GALNTL6: variants seen among roughly 807,000 people sequenced by gnomAD.
GALNTL6 encodes polypeptide N-acetylgalactosaminyltransferase like 6, also known as polypeptide N-acetylgalactosaminyltransferase-like 6.
GALNTL6 carries 46 observed loss-of-function variants against 73.7 expected under a neutral mutation model. The observed-to-expected ratio is 0.62, with a 90% confidence interval of 0.49 to 0.80. The LOEUF (loss-of-function observed/expected upper bound fraction) is 0.80. Ranked by LOEUF, GALNTL6 falls within the 30% of genes least tolerant of loss-of-function variation. The pLI is 0.00. For synonymous variants in GALNTL6, 259 were observed against 263.7 expected (o/e 0.98, Z 0.17); for missense variants, 604 against 755.0 (o/e 0.80, Z 2.34).
chr4:172,150,956 A>G (rs1302957034), intron 2 of GALNTL6, among the ~76,000 whole-genome samples: 1 of 152,208 alleles, frequency 6.6e-6, no homozygotes, highest in Non-Finnish European at 1.5e-5. Flanking sequence ...CCATAAATGC[A>G]TTAGGTCCTT....
At chr4:172,392,579 C>T (rs1184309074) in intron 5 of GALNTL6, among the ~76,000 whole-genome samples, 1 of 151,772 alleles carries the variant, frequency 6.6e-6, no homozygotes, top group Non-Finnish European at 1.5e-5. Context: ...GGGCAATTTA[C>T]AGTATTTAAA....
intron 10 of GALNTL6, among the ~76,000 whole-genome samples, chr4:172,974,557 A>G (rs1469722161): frequency 6.6e-6 from 1 of 152,252 alleles, no homozygotes; most frequent in African/African-American, 2.4e-5. Context: ...AGTAGAGGCC[A>G]CACTGGTGTC....
At chr4:172,233,659 C>T (rs1737146849) in intron 3 of GALNTL6, among the ~76,000 whole-genome samples, 1 of 152,020 alleles carries the variant, frequency 6.6e-6, no homozygotes, top group African/African-American at 2.4e-5. Flanking sequence ...AGCTAATGTA[C>T]TATATCTTTA....
intron 5 of GALNTL6, among the ~76,000 whole-genome samples, chr4:172,732,026 A>G (rs1736178523): frequency 6.6e-6 from 1 of 151,940 alleles, no homozygotes; most frequent in Non-Finnish European, 1.5e-5. Flanking sequence ...AACCTAGTGA[A>G]ATGTTCTGTA....
intron 2 of GALNTL6, among the ~76,000 whole-genome samples, chr4:171,935,852 T>C (rs1738326441): frequency 6.6e-6 from 1 of 152,250 alleles, no homozygotes; most frequent in Non-Finnish European, 1.5e-5. Context: ...GTTGCTTTCT[T>C]GCTTGGGTAG....
At position 172,119,116 on chromosome 4, in the gene GALNTL6, CTA is replaced by C. The variant is rs370287298; in HGVS notation, c.139-110538_139-110537del. Reference sequence around the variant, plus strand: ...TGTGAATATTGGTTTCAATATTACACTATTGTATTTCTTGATAATGCTAGAGA... The same window carrying C: ...TGTGAATATTGGTTTCAATATTACACTTGTATTTCTTGATAATGCTAGAGA... On this transcript the variant is annotated intron_variant, in intron 2 of 12. Coordinates refer to ENST00000506823, the MANE Select transcript of GALNTL6 (RefSeq NM_001034845.3). 3.1e-3 allele frequency among the ~76,000 whole-genome samples: 466 copies of C among 152,056 alleles called. 4 individuals are homozygous for C. Among genetic ancestry groups the C allele is most frequent in the African/African-American group, 0.011 (451 of 41,484 alleles).
intron 5 of GALNTL6, among the ~76,000 whole-genome samples, chr4:172,546,275 T>C (rs1735746321): frequency 6.6e-6 from 1 of 152,156 alleles, no homozygotes; most frequent in African/African-American, 2.4e-5. Flanking sequence ...TACTTATCTA[T>C]TTAACAACTT....
At chr4:172,482,596 C>CT (rs780268223) in intron 5 of GALNTL6, among the ~76,000 whole-genome samples, 94 of 152,384 alleles carry the variant, frequency 6.2e-4, no homozygotes, top group Middle Eastern at 6.8e-3. Context: ...ATTATATACT[C>CT]TAAGATATTC....
intron 4 of GALNTL6, among the ~76,000 whole-genome samples, chr4:172,346,499 C>T (rs1741743959): frequency 6.6e-6 from 1 of 152,224 alleles, no homozygotes; most frequent in South Asian, 2.1e-4. Flanking sequence ...CTGTCCTCTG[C>T]AGGCCACCTT....
At chr4:172,020,589 C>T (rs942588263) in intron 2 of GALNTL6, among the ~76,000 whole-genome samples, 20 of 151,686 alleles carry the variant, frequency 1.3e-4, no homozygotes, top group African/African-American at 4.6e-4. Context: ...CAAATACATA[C>T]ACCTACCGAG....
intron 5 of GALNTL6, among the ~76,000 whole-genome samples, chr4:172,761,685 C>CTCTCTCTCTCTCTT (rs1738112485): frequency 6.6e-6 from 1 of 151,662 alleles, no homozygotes; most frequent in Non-Finnish European, 1.5e-5. Flanking sequence ...CTCTCTCTCT[C>CTCTCTCTCTCTCTT]TCTCTCTCTC....
intron 5 of GALNTL6, among the ~76,000 whole-genome samples, chr4:172,578,882 C>T (rs975887213): frequency 3.9e-5 from 6 of 152,142 alleles, no homozygotes; most frequent in East Asian, 1.9e-4. Flanking sequence ...AAGCAAATGA[C>T]GTGAGTGAGG....
intron 2 of GALNTL6, among the ~76,000 whole-genome samples, chr4:172,087,318 G>C (rs949575532): frequency 9.9e-5 from 15 of 151,758 alleles, no homozygotes; most frequent in African/African-American, 2.9e-4. Flanking sequence ...GGGGGTGGGC[G>C]CCTGTAGTCC....
In GALNTL6 at chr4:172,231,000, G is replaced by T. The variant is rs557847533; in HGVS notation, c.247+1236G>T. On this transcript the variant is annotated intron_variant, in intron 3 of 12. Transcript: ENST00000506823. The stretch of plus-strand genomic sequence containing the variant: ...TTGCATTCCTTTTCTTCCAAAAAAG[G>T]CCTGCCCCACGCCCCACCCCCAGCT... Among the ~76,000 whole-genome samples, 5 of 151,930 alleles carry T rather than the reference G, an allele frequency of 3.3e-5. No homozygotes were observed. In the East Asian group the frequency reaches 9.7e-4, roughly 30 times the overall value.
chr4:172,862,139 T>C (rs1471313534), intron 7 of GALNTL6, among the ~76,000 whole-genome samples: 1 of 152,160 alleles, frequency 6.6e-6, no homozygotes, highest in East Asian at 1.9e-4. Context: ...TGGGAAAGAT[T>C]AGAACTTCCT....
chr4:172,303,859 G>T (rs554734465), intron 3 of GALNTL6, among the ~76,000 whole-genome samples: 6 of 152,120 alleles, frequency 3.9e-5, no homozygotes, highest in Non-Finnish European at 7.4e-5. Flanking sequence ...CCCTGCCCAA[G>T]AATGAAACAG....
chr4:172,908,467 C>T (rs958664078), intron 8 of GALNTL6, among the ~76,000 whole-genome samples: 3 of 151,492 alleles, frequency 2.0e-5, no homozygotes, highest in South Asian at 2.1e-4. Context: ...GATAAAAATA[C>T]GATATAAAAA....
At chr4:172,911,345 C>T (rs1205756762) in intron 8 of GALNTL6, among the ~76,000 whole-genome samples, 1 of 152,172 alleles carries the variant, frequency 6.6e-6, no homozygotes, top group African/African-American at 2.4e-5. Flanking sequence ...AAGGATGATT[C>T]TAAAATATTT....
intron 5 of GALNTL6, among the ~76,000 whole-genome samples, chr4:172,393,929 A>G (rs1447721644): frequency 6.6e-6 from 1 of 152,206 alleles, no homozygotes; most frequent in Non-Finnish European, 1.5e-5. Context: ...GTTTAAATAA[A>G]TTGATAAATG....
Sources: gnomAD v4.1 joint callset for allele counts (sites outside exome capture counted in the v4.1 genomes callset) on GRCh38, gnomAD v4.1.1 for gene constraint, MANE v1.5 for transcripts, NCBI Gene and HGNC (gene_info 2026-07-23, HGNC 2026-07-21) for gene names.